SMOX: variants seen among roughly 807,000 people sequenced by gnomAD.
The protein encoded by SMOX is spermine oxidase.
SMOX carries 22 observed loss-of-function variants against 51.0 expected under a neutral mutation model. That is an observed-to-expected ratio of 0.43 (90% CI 0.31 to 0.62). The LOEUF is 0.62. Ranked by LOEUF, SMOX falls within the 20% of genes least tolerant of loss-of-function variation. The pLI is 0.10. For synonymous variants in SMOX, 282 were observed against 307.8 expected, an observed-to-expected ratio of 0.92 and a Z score of 0.88; for missense variants, 566 against 777.7, an observed-to-expected ratio of 0.73 and a Z score of 3.24.
At position 4,153,931 on chromosome 20, in the gene SMOX, C is replaced by T. The variant is rs1985881758; in HGVS notation, c.-27+4954C>T. On this transcript the variant is annotated intron_variant, in intron 1 of 6. Coordinates refer to ENST00000305958, the MANE Select transcript of SMOX (RefSeq NM_175839.3). The surrounding 1 kb of genome is among the most constrained non-coding windows in gnomAD (Gnocchi z 4.4). ...GGTCAGCACCTGGCATCTCCTGTGC[C>T]CCAGCCTGGTGTTCAGAGCCTTTGG... Among the ~76,000 whole-genome samples, 2 of 152,178 alleles carry T rather than the reference C, an allele frequency of 1.3e-5. No individual in the cohort carries two copies. The highest frequency in any genetic ancestry group is 2.9e-5 in the Non-Finnish European group (2 of 68,026).
At position 4,175,236 on chromosome 20, in the gene SMOX, G is replaced by A; in HGVS notation, c.181G>A (p.Gly61Arg). 5.0e-6 allele frequency: 8 copies of A among 1,614,142 alleles called. No homozygotes were observed. Among genetic ancestry groups the A allele is most frequent in the Non-Finnish European group, 6.8e-6 (8 of 1,180,048 alleles). ...VTVLEASSHI[G>R]GRVQSVKLGH... is the part of the protein sequence containing the mutation. The stretch of plus-strand genomic sequence containing the variant: ...TGTGCTTGAGGCTTCCAGCCACATC[G>A]GAGGCCGTGTGCAGAGTGTGAAACT... The change falls in exon 2 of 7, where the codon GGA becomes AGA. Residue 61 changes from glycine to arginine, a missense_variant. Coordinates refer to ENST00000305958, the MANE Select transcript of SMOX (RefSeq NM_175839.3).
intron 1 of SMOX, among the ~76,000 whole-genome samples, chr20:4,151,725 A>C (rs57789010): frequency 0.059 from 9,052 of 152,224 alleles, 411 homozygotes; most frequent in East Asian, 0.22. Flanking sequence ...GTCCCCCGTA[A>C]TTAATCGTAG....
chr20:4,187,376 T>G lies in SMOX; in HGVS notation c.1637T>G (p.Met546Arg), dbSNP rs749931058. ...GQREAARLIE[M>R]YRDLFQQGT ...CGTGAGGCTGCCCGCCTCATTGAGATGTACCGAGACCTCTTCCAGCAGGGG... is the reference window on the plus strand; with the variant it reads ...CGTGAGGCTGCCCGCCTCATTGAGAGGTACCGAGACCTCTTCCAGCAGGGG... The change falls in exon 7 of 7, where the codon ATG (methionine) becomes AGG (arginine). Residue 546 changes from methionine (M) to arginine (R), a missense_variant. Coordinates refer to ENST00000305958, the MANE Select transcript of SMOX (RefSeq NM_175839.3). This position sits in a 1 kb window ranked among gnomAD's most constrained non-coding sequence, Gnocchi z 4.8. 33 of 1,614,094 alleles carry G rather than the reference T, an allele frequency of 2.0e-5. No homozygotes were observed. Among genetic ancestry groups the G allele is most frequent in the Admixed American group, 5.0e-5 (3 of 60,010 alleles).
chr20:4,151,799 A>G (rs1194838928), intron 1 of SMOX, among the ~76,000 whole-genome samples: 1 of 152,210 alleles, frequency 6.6e-6, no homozygotes, highest in East Asian at 1.9e-4. Context: ...AATTGTTTGT[A>G]TACTTGACTT....
chr20:4,177,659 T>A lies in SMOX; in HGVS notation c.435+82T>A. The A allele has an allele frequency of 7.8e-7, 1 of 1,287,304 alleles. No homozygotes were observed. Among genetic ancestry groups the A allele is most frequent in the Non-Finnish European group, 1.1e-6 (1 of 926,164 alleles). The allele number at this position is 1,287,304 out of a possible 1,614,324, so 79.7% of individuals were successfully genotyped here. A position where few individuals can be genotyped will look rare whatever the true frequency, so the allele number is the denominator to read the frequency against. The stretch of plus-strand genomic sequence containing the variant: ...TGATTCTGGTCGTGTCTCTGCACAC[T>A]CCCTGGGCCTTGCATTTGGAAAACC... On this transcript the variant is annotated intron_variant, in intron 3 of 6. Transcript: ENST00000305958. This position sits in a 1 kb window ranked among gnomAD's most constrained non-coding sequence, Gnocchi z 4.3.
chr20:4,184,389 C>T (rs1044526904), intron 6 of SMOX, among the ~76,000 whole-genome samples: 3 of 151,770 alleles, frequency 2.0e-5, no homozygotes, highest in Admixed American at 6.6e-5. Flanking sequence ...AAGTACATAG[C>T]GATAGGAATG....
intron 1 of SMOX, among the ~76,000 whole-genome samples, chr20:4,152,441 G>A (rs1985809694): frequency 6.6e-6 from 1 of 152,094 alleles, no homozygotes; most frequent in African/African-American, 2.4e-5. Flanking sequence ...TGTGTGGCTG[G>A]TACTCTCAGA....
In SMOX at chr20:4,170,056, A is replaced by G. The variant is rs140074373; in HGVS notation, c.-26-4974A>G. 8.6e-5 allele frequency among the ~76,000 whole-genome samples: 13 copies of G among 150,622 alleles called. No homozygotes were observed. Among genetic ancestry groups the G allele is most frequent in the African/African-American group, 2.9e-4 (12 of 40,940 alleles). ...TAGTAGGTGCTCAGTGAATTGCTAA[A>G]TTATATTCCCTGGCCAGCGAGATGC... On this transcript the variant is annotated intron_variant, in intron 1 of 6. Transcript: ENST00000305958. This position sits in a 1 kb window ranked among gnomAD's most constrained non-coding sequence, Gnocchi z 4.6.
intron 6 of SMOX, among the ~76,000 whole-genome samples, chr20:4,184,046 C>T (rs1979555773): frequency 6.6e-6 from 1 of 151,662 alleles, no homozygotes; most frequent in Non-Finnish European, 1.5e-5. Flanking sequence ...GTGGTGTGAT[C>T]ACAGCTCACT....
rs1985593813 is a variant in SMOX, at chr20:4,149,167, C to T, written c.-27+190C>T. Reference sequence around the variant, plus strand: ...GGGGTGCGGGGCGTTCCGGGAGGCTCGCGGGGAGCAGGGGGCGCCGCGCCC... The same window carrying T: ...GGGGTGCGGGGCGTTCCGGGAGGCTTGCGGGGAGCAGGGGGCGCCGCGCCC... On this transcript the variant is annotated intron_variant, in intron 1 of 6. Transcript: ENST00000305958. The surrounding 1 kb of genome is among the most constrained non-coding windows in gnomAD (Gnocchi z 6.0). Among the ~76,000 whole-genome samples, 1 of 148,954 alleles carries T rather than the reference C, an allele frequency of 6.7e-6. No individual in the cohort carries two copies. Among genetic ancestry groups the T allele is most frequent in the African/African-American group, 2.4e-5 (1 of 40,964 alleles).
rs1230321778 is a variant in SMOX, at chr20:4,153,133, C to T, written c.-27+4156C>T. 6.6e-6 allele frequency among the ~76,000 whole-genome samples: 1 copy of T among 152,138 alleles called. No individual in the cohort carries two copies. The highest frequency in any genetic ancestry group is 2.4e-5 in the African/African-American group (1 of 41,406). ...GGTGACCGAATTTTTCTGCTTCATGCCCCACTTTTTCTTCCAGGAGGGGCT... is the reference window on the plus strand; with the variant it reads ...GGTGACCGAATTTTTCTGCTTCATGTCCCACTTTTTCTTCCAGGAGGGGCT... On this transcript the variant is annotated intron_variant, in intron 1 of 6. Transcript: ENST00000305958. This position sits in a 1 kb window ranked among gnomAD's most constrained non-coding sequence, Gnocchi z 4.4.
rs576861354 is a variant in SMOX at position 4,181,703 on chromosome 20, C to A, written c.436-100C>A. 181 of 1,400,858 alleles carry A rather than the reference C, an allele frequency of 1.3e-4. 1 individual carries two copies. Among genetic ancestry groups the A allele is most frequent in the Non-Finnish European group, 1.7e-4 (177 of 1,017,058 alleles). 86.8% of individuals were successfully genotyped at this position (1,400,858 alleles called of 1,614,324 possible). A position where few individuals can be genotyped will look rare whatever the true frequency, so the allele number is the denominator to read the frequency against. Reference sequence around the variant, plus strand: ...GACAGAGACCAGGGGCTCAGTGCATCCAGGGGACACCTGGGAACTGGTGGG... The same window carrying A: ...GACAGAGACCAGGGGCTCAGTGCATACAGGGGACACCTGGGAACTGGTGGG... On this transcript the variant is annotated intron_variant, in intron 3 of 6. Transcript: ENST00000305958. The surrounding 1 kb of genome is among the most constrained non-coding windows in gnomAD (Gnocchi z 5.6).
intron 1 of SMOX, among the ~76,000 whole-genome samples, chr20:4,168,562 T>TC (rs1351179088): frequency 1.6e-5 from 2 of 128,822 alleles, no homozygotes; most frequent in African/African-American, 6.1e-5. Context: ...CTCTCTCTCT[T>TC]TTTTTTTTTT....
intron 1 of SMOX, among the ~76,000 whole-genome samples, chr20:4,154,091 G>A (rs1486767875): frequency 1.3e-5 from 2 of 152,146 alleles, no homozygotes; most frequent in African/African-American, 4.8e-5. Context: ...GGCCGACAGA[G>A]GAGAGGATGG....
chr20:4,161,599 A>G (rs1388048957), intron 1 of SMOX, among the ~76,000 whole-genome samples: 1 of 152,126 alleles, frequency 6.6e-6, no homozygotes, highest in Non-Finnish European at 1.5e-5. Context: ...ACATCCTGCC[A>G]TTCAGCAAGT....
intron 1 of SMOX, among the ~76,000 whole-genome samples, chr20:4,155,260 C>T (rs931812905): frequency 2.2e-4 from 33 of 152,268 alleles, no homozygotes; most frequent in Non-Finnish European, 3.8e-4. Flanking sequence ...CCCCAGCTGC[C>T]GGGCCATCAC....
intron 6 of SMOX, among the ~76,000 whole-genome samples, chr20:4,184,681 T>C (rs1175781378): frequency 6.6e-6 from 1 of 152,172 alleles, no homozygotes. Context: ...CCAACGGTGC[T>C]CAGATGGAGA....
At chr20:4,155,750 C>T (rs1203450509) in intron 1 of SMOX, among the ~76,000 whole-genome samples, 2 of 151,974 alleles carry the variant, frequency 1.3e-5, no homozygotes, top group Non-Finnish European at 1.5e-5. Flanking sequence ...GCCTGGGGTG[C>T]GTATCTGAGG....
chr20:4,185,183 A>G (rs183545042), intron 6 of SMOX, among the ~76,000 whole-genome samples: 113 of 152,334 alleles, frequency 7.4e-4, no homozygotes, highest in African/African-American at 2.6e-3. Flanking sequence ...GGACTTTGTT[A>G]TTGAGGAGAA....
Sources: gnomAD v4.1 joint callset for allele counts (sites outside exome capture counted in the v4.1 genomes callset) on GRCh38, gnomAD v4.1.1 for gene constraint, Gnocchi (gnomAD v3.1) non-coding constraint, MANE v1.5 for transcripts, NCBI Gene and HGNC (gene_info 2026-07-23, HGNC 2026-07-21) for gene names.